PSTPIP2: variants seen among roughly 807,000 people sequenced by gnomAD.
The protein encoded by PSTPIP2 is proline-serine-threonine phosphatase-interacting protein 2.
A neutral mutation model predicts 63.3 loss-of-function variants in PSTPIP2; 33 were observed. The ratio of observed to expected loss-of-function variants is 0.52; its 90% CI spans 0.40 to 0.70. The LOEUF (loss-of-function observed/expected upper bound fraction) is 0.70. Ranked by LOEUF, PSTPIP2 falls within the 30% of genes least tolerant of loss-of-function variation. The pLI is 0.00. For missense variants in PSTPIP2, 312 were observed against 400.7 expected (o/e 0.78, Z 1.89); for synonymous variants, 125 against 132.7 (o/e 0.94, Z 0.40).
At chr18:46,057,955 A>T (rs1437071415) in intron 1 of PSTPIP2, among the ~76,000 whole-genome samples, 2 of 147,604 alleles carry the variant, frequency 1.4e-5, no homozygotes, top group African/African-American at 5.0e-5. Flanking sequence ...CGGAGATCGC[A>T]CCACTGCACT....
intron 2 of PSTPIP2, chr18:46,028,482 G>A: frequency 3.2e-6 from 2 of 623,174 alleles, no homozygotes; most frequent in South Asian, 1.4e-5. Context: ...GTGCCTGGAG[G>A]AGCTGGTCTT....
intron 1 of PSTPIP2, among the ~76,000 whole-genome samples, chr18:46,060,119 C>G (rs1047464737): frequency 6.6e-6 from 1 of 152,028 alleles, no homozygotes; most frequent in Non-Finnish European, 1.5e-5. Flanking sequence ...AAGTGTCTTT[C>G]CTGGTGTTTG....
chr18:45,988,440 A>G (rs2051489601), intron 14 of PSTPIP2, among the ~76,000 whole-genome samples: 1 of 151,958 alleles, frequency 6.6e-6, no homozygotes, highest in Non-Finnish European at 1.5e-5. Flanking sequence ...GCTTCGAAAA[A>G]AAAAAGCAGA....
chr18:46,002,317 C>T (rs2051676539), intron 6 of PSTPIP2, among the ~76,000 whole-genome samples: 1 of 152,084 alleles, frequency 6.6e-6, no homozygotes, highest in African/African-American at 2.4e-5. Context: ...TAAAGCTGGG[C>T]TTTTTCAGCC....
intron 2 of PSTPIP2, among the ~76,000 whole-genome samples, chr18:46,033,416 G>A (rs1047442532): frequency 6.6e-6 from 1 of 152,124 alleles, no homozygotes. Flanking sequence ...AGACAATGTG[G>A]GCTGGGCATG....
chr18:46,040,111 G>A (rs1908138097), intron 1 of PSTPIP2, 64 bp from the exon 2 acceptor site: 28 of 1,345,578 alleles, frequency 2.1e-5, no homozygotes, highest in Non-Finnish European at 2.9e-5. Flanking sequence ...CCGGAGAGAA[G>A]ATAAGACAAA....
intron 13 of PSTPIP2, among the ~76,000 whole-genome samples, chr18:45,989,356 G>A (rs1375507945): frequency 6.6e-6 from 1 of 152,144 alleles, no homozygotes; most frequent in Non-Finnish European, 1.5e-5. Context: ...AGATCTGATG[G>A]TTTTATCAGT....
At chr18:46,022,991 T>C (rs1321267019) in intron 3 of PSTPIP2, among the ~76,000 whole-genome samples, 1 of 152,096 alleles carries the variant, frequency 6.6e-6, no homozygotes, top group African/African-American at 2.4e-5. Flanking sequence ...TGGGGGCCAT[T>C]ATCCTTAGCA....
intron 6 of PSTPIP2, among the ~76,000 whole-genome samples, chr18:46,000,581 T>G (rs2144070380): frequency 6.6e-6 from 1 of 152,332 alleles, no homozygotes; most frequent in South Asian, 2.1e-4. Context: ...TTGGCCAGGC[T>G]GGTCTCGAAC....
At chr18:46,005,727 AC>A (rs1259119699) in intron 5 of PSTPIP2, among the ~76,000 whole-genome samples, 196 bp from the exon 6 acceptor site, 2 of 152,212 alleles carry the variant, frequency 1.3e-5, no homozygotes, top group Admixed American at 6.5e-5. Flanking sequence ...CCATCTTTGA[AC>A]TTGTGCAGGC....
intron 1 of PSTPIP2, among the ~76,000 whole-genome samples, chr18:46,043,116 T>C (rs1002503328): frequency 1.3e-5 from 2 of 150,540 alleles, no homozygotes; most frequent in Non-Finnish European, 2.9e-5. Flanking sequence ...CCAGGTGTGG[T>C]GGCTCATGCC....
At chr18:46,028,370 A>G (rs922625204) in intron 2 of PSTPIP2, 8 of 494,636 alleles carry the variant, frequency 1.6e-5, no homozygotes, top group Non-Finnish European at 2.4e-5. Flanking sequence ...GCTTCATCCC[A>G]GCGAAAACCG....
At chr18:45,985,874 T>C (rs1470542169) in intron 14 of PSTPIP2, among the ~76,000 whole-genome samples, 1 of 151,672 alleles carries the variant, frequency 6.6e-6, no homozygotes, top group Non-Finnish European at 1.5e-5. Context: ...CCTCCCAAGT[T>C]CAAGTGATTC....
chr18:46,059,827 G>C (rs1264582523), intron 1 of PSTPIP2, among the ~76,000 whole-genome samples: 1 of 151,944 alleles, frequency 6.6e-6, no homozygotes, highest in Non-Finnish European at 1.5e-5. Flanking sequence ...TCAGGAGTTT[G>C]AGACAGCCTG....
At chr18:46,039,892 C>T in intron 2 of PSTPIP2, 55 bp downstream of exon 2, 1 of 1,420,968 alleles carries the variant, frequency 7.0e-7, no homozygotes, top group South Asian at 1.2e-5. Flanking sequence ...TGTTCCTTGT[C>T]TGTGTGGAGA....
chr18:46,061,784 A>G (rs1402571827), intron 1 of PSTPIP2, among the ~76,000 whole-genome samples: 2 of 152,188 alleles, frequency 1.3e-5, no homozygotes, highest in Non-Finnish European at 1.5e-5. Flanking sequence ...CAGTCCTTGT[A>G]GGGCAGGATC....
intron 6 of PSTPIP2, 26 bp downstream of exon 6, chr18:46,005,442 CA>C: frequency 1.9e-6 from 3 of 1,545,844 alleles, no homozygotes; most frequent in Non-Finnish European, 1.8e-6. Context: ...ACCATTATCC[CA>C]AAAAAGACAA....
At chr18:46,015,878 A>AT (rs541443633) in intron 4 of PSTPIP2, 25 bp downstream of exon 4, 28 of 1,590,094 alleles carry the variant, frequency 1.8e-5, no homozygotes, top group East Asian at 4.5e-5. Flanking sequence ...CAGTGAATAC[A>AT]TTTTTTAAAA....
At chr18:46,035,548 C>T (rs1385803709) in intron 2 of PSTPIP2, among the ~76,000 whole-genome samples, 4 of 151,882 alleles carry the variant, frequency 2.6e-5, no homozygotes, top group South Asian at 2.1e-4. Flanking sequence ...TGGGGAAATA[C>T]TGAAGTAAAG....
Sources: gnomAD v4.1 joint callset for allele counts (sites outside exome capture counted in the v4.1 genomes callset) on GRCh38, gnomAD v4.1.1 for gene constraint, MANE v1.5 for transcripts, NCBI Gene and HGNC (gene_info 2026-07-23, HGNC 2026-07-21) for gene names.